RNF2: variants seen among roughly 807,000 people sequenced by gnomAD.
The protein encoded by RNF2 is ring finger protein 2, also known as E3 ubiquitin-protein ligase RING2.
In RNF2, 6 loss-of-function variants were observed where a neutral mutation model predicts 37.2. The observed-to-expected ratio is 0.16, with a 90% confidence interval of 0.09 to 0.32. The LOEUF (loss-of-function observed/expected upper bound fraction) is 0.32, where lower values mean the gene tolerates loss of function less well. Among genes scored for constraint, RNF2 ranks in the 10% least tolerant of loss-of-function variants. RNF2 has a pLI of 1.00. For synonymous variants in RNF2, 133 were observed against 132.7 expected (o/e 1.00, Z -0.02); for missense variants, 251 against 404.0 (o/e 0.62, Z 3.25).
intron 1 of RNF2, 146 bp from the exon 2 acceptor site, chr1:185,087,406 T>G: frequency 1.5e-6 from 1 of 648,684 alleles, no homozygotes; most frequent in South Asian, 1.9e-5. Context: ...CCTCATAACC[T>G]GATCACCTCC....
intron 1 of RNF2, among the ~76,000 whole-genome samples, chr1:185,083,185 T>G (rs1651480577): frequency 6.6e-6 from 1 of 152,196 alleles, no homozygotes; most frequent in South Asian, 2.1e-4. Flanking sequence ...TACGAGTAGG[T>G]CTTTAATTCT....
At chr1:185,098,011 G>T in intron 4 of RNF2, 61 bp from the exon 5 acceptor site, 1 of 1,564,206 alleles carries the variant, frequency 6.4e-7, no homozygotes, top group Non-Finnish European at 8.7e-7. Context: ...ACATGCTTCA[G>T]ATTTGTTGCT....
chr1:185,053,889 TA>T lies in RNF2; in HGVS notation c.-3+8250del, dbSNP rs138631564. 2.0e-3 allele frequency among the ~76,000 whole-genome samples: 293 copies of T among 148,708 alleles called. 3 individuals carry two copies. The Middle Eastern group carries it at 0.025, about 13-fold the overall frequency. ...GCTTTTTAAACTTAATGTCTTGTAT[TA>T]AAAAAAAAAGTCACTACCTAGATGT... On this transcript the variant is annotated intron_variant, in intron 1 of 6. Coordinates refer to ENST00000367510, the MANE Select transcript of RNF2 (RefSeq NM_007212.4).
rs1424452688 is a variant in RNF2, at chr1:185,095,984, CTT to C, written c.465-2087_465-2086del. Among the ~76,000 whole-genome samples the C allele has an allele frequency of 2.0e-4, 30 of 152,208 alleles. 1 individual carries two copies. In the East Asian group the frequency reaches 5.0e-3, roughly 25 times the overall value. On this transcript the variant is annotated intron_variant, in intron 4 of 6. Transcript: ENST00000367510. ...TTTGATAAATGTAGGATATAATAGA[CTT>C]AATGTTCTTTATATGAACATATTCT... is the stretch of plus-strand genomic sequence containing the variant.
At position 185,075,976 on chromosome 1, in the gene RNF2, T is replaced by G. The variant is rs538636034; in HGVS notation, c.-2-11576T>G. ...AGTGAAGTTTAGCACAGTTTAATTT[T>G]ATTGGTTATGTATTGTGTTAATTAC... On this transcript the variant is annotated intron_variant, in intron 1 of 6. Coordinates refer to ENST00000367510, the MANE Select transcript of RNF2 (RefSeq NM_007212.4). Among the ~76,000 whole-genome samples, 16 of 152,332 alleles carry G rather than the reference T, an allele frequency of 1.1e-4. No individual in the cohort carries two copies. In the South Asian group the frequency reaches 3.3e-3, roughly 32 times the overall value.
chr1:185,086,587 C>T (rs763022675), intron 1 of RNF2, among the ~76,000 whole-genome samples: 1 of 152,186 alleles, frequency 6.6e-6, no homozygotes, highest in Non-Finnish European at 1.5e-5. Flanking sequence ...TATGATACCA[C>T]TTTCCAAATA....
intron 1 of RNF2, among the ~76,000 whole-genome samples, chr1:185,068,778 T>A (rs1259841147): frequency 4.6e-5 from 7 of 152,264 alleles, no homozygotes; most frequent in African/African-American, 1.4e-4. Context: ...TTGTTCAGAA[T>A]GTAAATGGAC....
At chr1:185,047,984 CAAAGGTAT>C (rs1039454325) in intron 1 of RNF2, among the ~76,000 whole-genome samples, 2 of 152,096 alleles carry the variant, frequency 1.3e-5, no homozygotes, top group African/African-American at 4.8e-5. Flanking sequence ...ATTTGGGGTA[CAAAGGTAT>C]AATAGCATTT....
At chr1:185,053,512 T>C (rs1381368970) in intron 1 of RNF2, among the ~76,000 whole-genome samples, 1 of 151,816 alleles carries the variant, frequency 6.6e-6, no homozygotes, top group African/African-American at 2.4e-5. Context: ...TCTTATTTTC[T>C]TTCTTTCTTT....
At chr1:185,092,027 G>A in intron 3 of RNF2, 1 of 231,474 alleles carries the variant, frequency 4.3e-6, no homozygotes. Flanking sequence ...GTTTCAACTT[G>A]TTGGCCAGGT....
chr1:185,098,784 GC>G (rs1651987730), intron 5 of RNF2, among the ~76,000 whole-genome samples: 2 of 150,618 alleles, frequency 1.3e-5, no homozygotes, highest in South Asian at 4.2e-4. Context: ...ATGGAGCCTT[GC>G]TCTGTCGCCA....
At chr1:185,095,804 A>G (rs1009455726) in intron 4 of RNF2, among the ~76,000 whole-genome samples, 1 of 149,780 alleles carries the variant, frequency 6.7e-6, no homozygotes, top group African/African-American at 2.5e-5. Context: ...TTCTGTGTTT[A>G]CAAATATTTT....
At chr1:185,049,210 C>G (rs987075846) in intron 1 of RNF2, among the ~76,000 whole-genome samples, 3 of 152,014 alleles carry the variant, frequency 2.0e-5, no homozygotes, top group Admixed American at 2.0e-4. Context: ...GAGCGAGACT[C>G]TGCCTCAAAA....
intron 1 of RNF2, among the ~76,000 whole-genome samples, chr1:185,086,676 AT>A (rs1651609129): frequency 6.6e-6 from 1 of 152,200 alleles, no homozygotes; most frequent in Non-Finnish European, 1.5e-5. Flanking sequence ...TATAGGATGA[AT>A]AGGTAGCAGT....
At chr1:185,060,490 C>T (rs1290400774) in intron 1 of RNF2, among the ~76,000 whole-genome samples, 1 of 152,134 alleles carries the variant, frequency 6.6e-6, no homozygotes, top group Non-Finnish European at 1.5e-5. Flanking sequence ...TTTTTCTGTT[C>T]TGCTTAGGAA....
chr1:185,058,115 T>C (rs535258651), intron 1 of RNF2, among the ~76,000 whole-genome samples: 1 of 152,300 alleles, frequency 6.6e-6, no homozygotes, highest in East Asian at 1.9e-4. Flanking sequence ...GACAGAGCGA[T>C]ACCCCATCTC....
Position 185,100,543 on chromosome 1 carries a change from G to GT in RNF2, c.*253dup, listed in dbSNP as rs11432393. 83,651 of 250,258 alleles carry GT rather than the reference G, an allele frequency of 0.33. 10,558 individuals are homozygous for GT. The highest frequency in any genetic ancestry group is 0.39 in the African/African-American group (17,143 of 43,930). 15.5% of individuals were successfully genotyped at this position (250,258 alleles called of 1,614,324 possible). The stretch of plus-strand genomic sequence containing the variant: ...AAAAAATATATCTGAAGTTTCTTGT[G>GT]TTTTTTTTTTTCCCCACAAAGTGTG... On this transcript the variant is annotated 3_prime_UTR_variant, in exon 7 of 7. Coordinates refer to ENST00000367510, the MANE Select transcript of RNF2 (RefSeq NM_007212.4).
At chr1:185,083,413 G>C (rs953446764) in intron 1 of RNF2, among the ~76,000 whole-genome samples, 2 of 151,986 alleles carry the variant, frequency 1.3e-5, no homozygotes, top group South Asian at 2.1e-4. Flanking sequence ...AAGAAGACAG[G>C]CTGGGTTTTT....
chr1:185,055,058 T>C lies in RNF2; in HGVS notation c.-3+9409T>C, dbSNP rs956184088. 1.1e-4 allele frequency among the ~76,000 whole-genome samples: 16 copies of C among 152,352 alleles called. 1 individual carries two copies. Among genetic ancestry groups the C allele is most frequent in the Admixed American group, 9.8e-4 (15 of 15,300 alleles). ...ATCTTGAGAGAACACCCCAAAAGTT[T>C]CATTACACATGTAGGAACAAAACTA... On this transcript the variant is annotated intron_variant, in intron 1 of 6. Transcript: ENST00000367510.
Sources: gnomAD v4.1 joint callset for allele counts (sites outside exome capture counted in the v4.1 genomes callset) on GRCh38, gnomAD v4.1.1 for gene constraint, MANE v1.5 for transcripts, NCBI Gene and HGNC (gene_info 2026-07-23, HGNC 2026-07-21) for gene names.